The following TBC1D1 variants were observed in gnomAD, a reference collection of about 807,000 sequenced individuals.
The protein encoded by TBC1D1 is TBC1 (tre-2/USP6, BUB2, cdc16) domain family, member 1.
TBC1D1 carries 89 observed loss-of-function variants against 125.6 expected under a neutral mutation model. The observed-to-expected ratio is 0.71, with a 90% CI of 0.60 to 0.85. The LOEUF is 0.85. TBC1D1 is among the 40% of genes least tolerant of loss of function. TBC1D1 has a pLI of 0.00. For synonymous variants in TBC1D1, 565 were observed against 564.1 expected (o/e 1.00, Z -0.02); for missense variants, 1,377 against 1,469.2 (o/e 0.94, Z 1.03).
chr4:37,984,680 GAA>G (rs1274713196), intron 2 of TBC1D1, among the ~76,000 whole-genome samples: 1 of 151,528 alleles, frequency 6.6e-6, no homozygotes, highest in East Asian at 2.0e-4. Context: ...CCTATCTCTA[GAA>G]AAATACAAAA....
chr4:38,037,551 C>G (rs920791084), intron 8 of TBC1D1, among the ~76,000 whole-genome samples: 2 of 152,092 alleles, frequency 1.3e-5, no homozygotes, highest in Admixed American at 1.3e-4. Context: ...ACTGATAGAT[C>G]CTTTTCATGT....
chr4:37,900,357 A>C (rs911980778), intron 1 of TBC1D1, among the ~76,000 whole-genome samples: 4 of 152,022 alleles, frequency 2.6e-5, no homozygotes, highest in Admixed American at 2.0e-4. Flanking sequence ...CTTGGAGGGA[A>C]GGAAGAGAAA....
intron 12 of TBC1D1, among the ~76,000 whole-genome samples, chr4:38,073,906 T>G (rs897095683): frequency 2.0e-5 from 3 of 152,212 alleles, no homozygotes; most frequent in African/African-American, 7.2e-5. Context: ...TTGGCTGCCT[T>G]CATTTTTAAT....
At chr4:38,084,001 T>G (rs1578614210) in intron 12 of TBC1D1, among the ~76,000 whole-genome samples, 1 of 147,084 alleles carries the variant, frequency 6.8e-6, no homozygotes, top group South Asian at 2.3e-4. Context: ...GCAGTGGCAC[T>G]ATCTTGGCTC....
At chr4:37,948,673 T>G (rs2152315178) in intron 2 of TBC1D1, among the ~76,000 whole-genome samples, 1 of 151,812 alleles carries the variant, frequency 6.6e-6, no homozygotes, top group African/African-American at 2.4e-5. Context: ...GTTCAGTGGG[T>G]TTTAGTATAT....
chr4:37,939,354 C>T (rs1008215086), intron 2 of TBC1D1, among the ~76,000 whole-genome samples: 2 of 152,178 alleles, frequency 1.3e-5, no homozygotes, highest in Non-Finnish European at 2.9e-5. Context: ...CTATCCTTTG[C>T]CCACTTTTTG....
At chr4:37,983,742 A>G (rs973131705) in intron 2 of TBC1D1, among the ~76,000 whole-genome samples, 1 of 152,222 alleles carries the variant, frequency 6.6e-6, no homozygotes, top group Non-Finnish European at 1.5e-5. Context: ...TGATGAATCT[A>G]TATTGACATA....
Position 37,977,492 on chromosome 4 carries a change from G to C in TBC1D1, c.418-37017G>C, listed in dbSNP as rs1733406597. 2.0e-6 allele frequency: 2 copies of C among 990,010 alleles called. No individual in the cohort carries two copies. The highest frequency in any genetic ancestry group is 9.2e-5 in the South Asian group (2 of 21,832). The allele number at this position is 990,010 out of a possible 1,614,324, so 61.3% of individuals were successfully genotyped here. On this transcript the variant is annotated intron_variant, in intron 2 of 19. Coordinates refer to ENST00000261439, the MANE Select transcript of TBC1D1 (RefSeq NM_015173.4). The surrounding 1 kb of genome is among the most constrained non-coding windows in gnomAD (Gnocchi z 4.3). Reference sequence around the variant, plus strand: ...GCCGGCGGGCGAAGAGCCGCCGCCCGGCCCGCGATGTCACCATTGTTCAGC... The same window carrying C: ...GCCGGCGGGCGAAGAGCCGCCGCCCCGCCCGCGATGTCACCATTGTTCAGC...
intron 2 of TBC1D1, among the ~76,000 whole-genome samples, chr4:37,924,883 C>T (rs990566951): frequency 1.3e-5 from 2 of 152,230 alleles, no homozygotes; most frequent in South Asian, 4.1e-4. Context: ...CTTTTGGGTA[C>T]ATACCAAGAA....
At chr4:38,004,869 G>T in intron 2 of TBC1D1, among the ~76,000 whole-genome samples, 1 of 152,224 alleles carries the variant, frequency 6.6e-6, no homozygotes, top group East Asian at 1.9e-4. Context: ...AAAAAGGATA[G>T]ATTATTGAAA....
rs1179652540 is a variant in TBC1D1 at position 37,902,456 on chromosome 4, G to A, written c.361G>A (p.Asp121Asn). 10 of 1,613,998 alleles carry A rather than the reference G, an allele frequency of 6.2e-6. No individual in the cohort carries two copies. Among genetic ancestry groups the A allele is most frequent in the Non-Finnish European group, 8.5e-6 (10 of 1,179,948 alleles). ...TTACTTTGCTTGTCTGATTAAGGAAGACGCTGTCCACCGGCAGAGTATCTG... is the reference window on the plus strand; with the variant it reads ...TTACTTTGCTTGTCTGATTAAGGAAAACGCTGTCCACCGGCAGAGTATCTG... The change falls in exon 2 of 20, where the codon GAC becomes AAC. Residue 121 changes from aspartate (D) to asparagine (N), a missense_variant. This residue lies in a region of TBC1D1 where 822 missense variants were observed against 824.6 expected (regional missense o/e 1.00). Transcript: ENST00000261439.
chr4:37,954,342 G>A (rs1728486753), intron 2 of TBC1D1, among the ~76,000 whole-genome samples: 1 of 151,604 alleles, frequency 6.6e-6, no homozygotes. Context: ...GACTCACTTG[G>A]GAAGATAAAA....
At chr4:37,997,885 T>C (rs1738166651) in intron 2 of TBC1D1, among the ~76,000 whole-genome samples, 1 of 152,200 alleles carries the variant, frequency 6.6e-6, no homozygotes, top group African/African-American at 2.4e-5. Context: ...GGTTTCACTG[T>C]CTGCACAGTT....
intron 15 of TBC1D1, among the ~76,000 whole-genome samples, chr4:38,111,098 T>G (rs993056606): frequency 6.6e-6 from 1 of 152,266 alleles, no homozygotes; most frequent in Non-Finnish European, 1.5e-5. Context: ...GTGGTCTTTG[T>G]GGAATGCCAT....
chr4:37,986,688 T>G (rs970827461), intron 2 of TBC1D1, among the ~76,000 whole-genome samples: 1 of 152,156 alleles, frequency 6.6e-6, no homozygotes, highest in African/African-American at 2.4e-5. Context: ...TCAAGTGATC[T>G]GCCTGCCTCA....
intron 8 of TBC1D1, among the ~76,000 whole-genome samples, chr4:38,039,126 TTTTTTTTTTG>T (rs1336031461): frequency 3.0e-5 from 3 of 98,998 alleles, no homozygotes; most frequent in Admixed American, 1.0e-4. Context: ...TTTTTTTTTT[TTTTTTTTTTG>T]AGACAGAGTC....
intron 2 of TBC1D1, among the ~76,000 whole-genome samples, chr4:38,011,965 T>C (rs1375020999): frequency 6.6e-6 from 1 of 152,198 alleles, no homozygotes; most frequent in East Asian, 1.9e-4. Flanking sequence ...TTCACACATT[T>C]TCTCTCTCCT....
chr4:37,953,937 CCACTT>C (rs759215326), intron 2 of TBC1D1, among the ~76,000 whole-genome samples: 11 of 152,136 alleles, frequency 7.2e-5, no homozygotes, highest in Non-Finnish European at 1.6e-4. Context: ...TTATCAGGCT[CCACTT>C]CAGCCCTGCA....
chr4:37,903,074 A>T (rs1716433898), intron 2 of TBC1D1, among the ~76,000 whole-genome samples: 1 of 152,238 alleles, frequency 6.6e-6, no homozygotes, highest in East Asian at 1.9e-4. Context: ...CATAATGTTC[A>T]CTTAGGCAAA....
Sources: allele counts gnomAD v4.1 joint callset (sites outside exome capture counted in the v4.1 genomes callset), GRCh38; gene constraint gnomAD v4.1.1; regional missense constraint gnomAD v4.1.1; non-coding constraint Gnocchi (gnomAD v3.1); transcripts MANE v1.5; gene names NCBI Gene and HGNC (gene_info 2026-07-23, HGNC 2026-07-21).